Variants in CLYBL observed in about 807,000 individuals in gnomAD.
CLYBL encodes citramalyl-CoA lyase, mitochondrial.
Under a neutral mutation model 38.9 loss-of-function variants are expected in CLYBL, and 31 were observed. The observed-to-expected ratio is 0.80, with a 90% confidence interval of 0.60 to 1.08. CLYBL has a LOEUF of 1.08. Ranked by LOEUF, CLYBL falls within the 50% of genes least tolerant of loss-of-function variation. The pLI is 0.00. For synonymous variants in CLYBL, 171 were observed against 158.6 expected (o/e 1.08, Z -0.59); for missense variants, 434 against 411.6 (o/e 1.05, Z -0.47).
intron 8 of CLYBL, among the ~76,000 whole-genome samples, chr13:99,905,121 A>C (rs1414422058): frequency 6.6e-6 from 1 of 152,194 alleles, no homozygotes; most frequent in Non-Finnish European, 1.5e-5. Context: ...TCTCCAGCCG[A>C]GGACCTCCTG....
At chr13:99,736,147 C>T (rs558046115) in intron 1 of CLYBL, among the ~76,000 whole-genome samples, 91 of 144,604 alleles carry the variant, frequency 6.3e-4, no homozygotes, top group African/African-American at 2.2e-3. Flanking sequence ...CGAGTTCAAG[C>T]GATTCTCCTG....
intron 2 of CLYBL, among the ~76,000 whole-genome samples, chr13:99,788,986 TG>T (rs2049859325): frequency 6.6e-6 from 1 of 152,116 alleles, no homozygotes; most frequent in Non-Finnish European, 1.5e-5. Context: ...AGTTTATTTA[TG>T]TAAAGATGTT....
chr13:99,612,734 A>G (rs2046647602), intron 1 of CLYBL, among the ~76,000 whole-genome samples: 1 of 152,104 alleles, frequency 6.6e-6, no homozygotes, highest in Non-Finnish European at 1.5e-5. Context: ...CTTTACAGCC[A>G]TGCTTGGTGG....
At chr13:99,619,962 C>T (rs1428096359) in intron 1 of CLYBL, among the ~76,000 whole-genome samples, 1 of 152,180 alleles carries the variant, frequency 6.6e-6, no homozygotes, top group Non-Finnish European at 1.5e-5. Flanking sequence ...AGCCTGCACT[C>T]AATTGGTTTT....
chr13:99,833,044 T>A (rs1236417895), intron 2 of CLYBL, among the ~76,000 whole-genome samples: 8 of 74,492 alleles, frequency 1.1e-4, no homozygotes, highest in South Asian at 5.7e-4. Context: ...TTTTTTTTTT[T>A]TTTTTTTTTT....
chr13:99,851,188 C>T (rs1178918892), intron 2 of CLYBL, among the ~76,000 whole-genome samples: 4 of 151,594 alleles, frequency 2.6e-5, no homozygotes, highest in South Asian at 2.1e-4. Context: ...GCCAACATGG[C>T]GAAACCCTGC....
intron 2 of CLYBL, among the ~76,000 whole-genome samples, chr13:99,809,200 T>C (rs1208676243): frequency 1.3e-5 from 2 of 152,212 alleles, no homozygotes; most frequent in Non-Finnish European, 2.9e-5. Flanking sequence ...ATAATAAATA[T>C]AATTTAACAA....
chr13:99,799,734 A>G (rs2050093952), intron 2 of CLYBL, among the ~76,000 whole-genome samples: 1 of 152,234 alleles, frequency 6.6e-6, no homozygotes, highest in African/African-American at 2.4e-5. Flanking sequence ...TCACATAGAT[A>G]TCGAGGTAGA....
At chr13:99,693,551 C>T (rs149079328) in intron 1 of CLYBL, among the ~76,000 whole-genome samples, 18 of 152,208 alleles carry the variant, frequency 1.2e-4, no homozygotes, top group African/African-American at 3.6e-4. Context: ...ATCCCCACAA[C>T]GGCAGTGATG....
At chr13:99,845,101 C>T (rs2051169076) in intron 2 of CLYBL, among the ~76,000 whole-genome samples, 1 of 152,186 alleles carries the variant, frequency 6.6e-6, no homozygotes, top group Non-Finnish European at 1.5e-5. Context: ...GTGATTTTCC[C>T]ACTTCCTGTA....
At chr13:99,624,714 A>G (rs1012475527) in intron 1 of CLYBL, among the ~76,000 whole-genome samples, 2 of 152,146 alleles carry the variant, frequency 1.3e-5, no homozygotes, top group African/African-American at 2.4e-5. Flanking sequence ...GTCTGAGTCC[A>G]TGTGGCCTAA....
chr13:99,655,553 C>T (rs910489233), intron 1 of CLYBL, among the ~76,000 whole-genome samples: 2 of 152,176 alleles, frequency 1.3e-5, no homozygotes, highest in South Asian at 2.1e-4. Flanking sequence ...GCTGGAGGGG[C>T]GCTACTAGGG....
At position 99,706,094 on chromosome 13, in the gene CLYBL, G is replaced by A. The variant is rs112192591; in HGVS notation, c.63-66730G>A. Among the ~76,000 whole-genome samples the A allele has an allele frequency of 3.5e-3, 529 of 151,646 alleles. 4 individuals are homozygous for A. Among genetic ancestry groups the A allele is most frequent in the African/African-American group, 0.012 (506 of 41,380 alleles). ...TTACAGGCTCGTGCCGTCATGCCCC[G>A]CCAATTTTTGTATTTTTAGTAGAGA... On this transcript the variant is annotated intron_variant, in intron 1 of 8. Transcript: ENST00000339105.
chr13:99,772,023 G>T (rs1166817840), intron 1 of CLYBL, among the ~76,000 whole-genome samples: 1 of 152,080 alleles, frequency 6.6e-6, no homozygotes, highest in Non-Finnish European at 1.5e-5. Context: ...AGTCTATCTT[G>T]TCTTGTTAAA....
rs1051801203 is a variant in CLYBL, at chr13:99,621,461, A to G, written c.62+14704A>G. ...CCTAACCTCTCCGCTGACTTTTGTCACCCTTCCCTGTGTTAAGGTGATCGA... is the reference window on the plus strand; with the variant it reads ...CCTAACCTCTCCGCTGACTTTTGTCGCCCTTCCCTGTGTTAAGGTGATCGA... On this transcript the variant is annotated intron_variant, in intron 1 of 8. Coordinates refer to ENST00000339105, the MANE Select transcript of CLYBL (RefSeq NM_206808.5). Among the ~76,000 whole-genome samples, 3 of 151,892 alleles carry G rather than the reference A, an allele frequency of 2.0e-5. No individual in the cohort carries two copies. The South Asian group carries it at 6.2e-4, about 32-fold the overall frequency.
At chr13:99,667,213 T>A (rs1025591309) in intron 1 of CLYBL, among the ~76,000 whole-genome samples, 2 of 152,134 alleles carry the variant, frequency 1.3e-5, no homozygotes, top group African/African-American at 4.8e-5. Flanking sequence ...TGGGAACTTA[T>A]AACAACAGAT....
At chr13:99,871,482 G>T (rs1016592257) in intron 7 of CLYBL, among the ~76,000 whole-genome samples, 2 of 152,054 alleles carry the variant, frequency 1.3e-5, no homozygotes, top group African/African-American at 4.8e-5. Flanking sequence ...TAATTTGGGG[G>T]GAAAAAAGTA....
chr13:99,723,040 T>C (rs1310765740), intron 1 of CLYBL, among the ~76,000 whole-genome samples: 1 of 152,276 alleles, frequency 6.6e-6, no homozygotes, highest in African/African-American at 2.4e-5. Flanking sequence ...CACACTTCTC[T>C]GCTAATCAAT....
intron 2 of CLYBL, among the ~76,000 whole-genome samples, chr13:99,834,459 A>C (rs945918320): frequency 6.6e-6 from 1 of 152,168 alleles, no homozygotes; most frequent in Non-Finnish European, 1.5e-5. Flanking sequence ...TCAGCATTGC[A>C]GGGAACACTC....
Sources: allele counts gnomAD v4.1 joint callset (sites outside exome capture counted in the v4.1 genomes callset), GRCh38; gene constraint gnomAD v4.1.1; transcripts MANE v1.5; gene names NCBI Gene and HGNC (gene_info 2026-07-23, HGNC 2026-07-21).